The following CNTN5 variants were observed in gnomAD, a reference collection of about 807,000 sequenced individuals.
CNTN5 encodes contactin 5, also known as contactin-5.
A neutral mutation model predicts 129.1 loss-of-function variants in CNTN5; 77 were observed. That is an observed-to-expected ratio of 0.60 (90% CI 0.50 to 0.72). The LOEUF is 0.72. Ranked by LOEUF, CNTN5 falls within the 30% of genes least tolerant of loss-of-function variation. CNTN5 has a pLI of 0.00. For missense variants in CNTN5, 1,478 were observed against 1,328.8 expected, an observed-to-expected ratio of 1.11 and a Z score of -1.75; for synonymous variants, 509 against 465.6, an observed-to-expected ratio of 1.09 and a Z score of -1.20.
chr11:100,252,420 T>G (rs1438545419), intron 16 of CNTN5, among the ~76,000 whole-genome samples: 1 of 152,158 alleles, frequency 6.6e-6, no homozygotes, highest in African/African-American at 2.4e-5. Flanking sequence ...TAGTTTGGTA[T>G]AATCCTATTT....
intron 9 of CNTN5, among the ~76,000 whole-genome samples, chr11:100,045,667 G>A (rs7116377): frequency 0.54 from 80,690 of 150,650 alleles, 22,150 homozygotes; most frequent in East Asian, 0.75. Context: ...ACCAGTGGTC[G>A]GTGGGAAAAC....
chr11:99,514,495 T>C (rs1317383337), intron 2 of CNTN5, among the ~76,000 whole-genome samples: 1 of 151,874 alleles, frequency 6.6e-6, no homozygotes, highest in Non-Finnish European at 1.5e-5. Flanking sequence ...AATGGAAAAC[T>C]TCTTTGCTTA....
At chr11:99,945,634 T>G (rs557696349) in intron 7 of CNTN5, among the ~76,000 whole-genome samples, 1 of 152,042 alleles carries the variant, frequency 6.6e-6, no homozygotes, top group Non-Finnish European at 1.5e-5. Flanking sequence ...CTCAGTGTTA[T>G]TATCATTTCA....
At chr11:99,993,874 T>C (rs77618429) in intron 8 of CNTN5, among the ~76,000 whole-genome samples, 1,741 of 152,296 alleles carry the variant, frequency 0.011, 41 homozygotes, top group African/African-American at 0.04. Context: ...TATGTCCTTA[T>C]ATCATCACTC....
chr11:100,086,140 G>C (rs1039387898), intron 13 of CNTN5, among the ~76,000 whole-genome samples: 3 of 151,802 alleles, frequency 2.0e-5, no homozygotes, highest in Admixed American at 6.6e-5. Flanking sequence ...GCTTAACTTA[G>C]TAGCCAAGAG....
chr11:99,969,514 T>G (rs1204398518), intron 8 of CNTN5, among the ~76,000 whole-genome samples: 1 of 152,124 alleles, frequency 6.6e-6, no homozygotes, highest in Non-Finnish European at 1.5e-5. Context: ...CTGCTATGCC[T>G]CTTCTTCCAT....
chr11:99,303,583 G>C (rs1341084261), intron 1 of CNTN5, among the ~76,000 whole-genome samples: 1 of 151,038 alleles, frequency 6.6e-6, no homozygotes, highest in Non-Finnish European at 1.5e-5. Context: ...TAATATCTCT[G>C]TAGTTCAATT....
At chr11:99,542,624 A>G (rs1948155715) in intron 2 of CNTN5, among the ~76,000 whole-genome samples, 1 of 152,222 alleles carries the variant, frequency 6.6e-6, no homozygotes, top group South Asian at 2.1e-4. Flanking sequence ...ACCAGTGACA[A>G]CAACAAAAAA....
At chr11:99,991,167 C>G (rs573191246) in intron 8 of CNTN5, among the ~76,000 whole-genome samples, 5 of 152,188 alleles carry the variant, frequency 3.3e-5, no homozygotes, top group Non-Finnish European at 7.3e-5. Context: ...ACGTAACAGT[C>G]AAAACTCTTC....
intron 1 of CNTN5, among the ~76,000 whole-genome samples, chr11:99,045,677 C>T (rs1458702125): frequency 6.6e-6 from 1 of 152,192 alleles, no homozygotes; most frequent in Admixed American, 6.5e-5. Flanking sequence ...ATCATTACTC[C>T]TAATCTTAAT....
chr11:99,671,671 A>G (rs2135947828), intron 3 of CNTN5, among the ~76,000 whole-genome samples: 1 of 152,340 alleles, frequency 6.6e-6, no homozygotes, highest in South Asian at 2.1e-4. Context: ...TGCTGAAAAT[A>G]TGTATTACTT....
intron 1 of CNTN5, among the ~76,000 whole-genome samples, chr11:99,255,494 A>T (rs984424066): frequency 8.0e-5 from 12 of 150,132 alleles, no homozygotes; most frequent in Non-Finnish European, 1.6e-4. Flanking sequence ...TATAATTAAT[A>T]AATTAATTAA....
chr11:99,335,260 T>A (rs1440610904), intron 2 of CNTN5, among the ~76,000 whole-genome samples: 1 of 152,050 alleles, frequency 6.6e-6, no homozygotes, highest in Non-Finnish European at 1.5e-5. Flanking sequence ...ACCTCTGCAA[T>A]CTTGTTCTAA....
At chr11:100,118,517 C>A (rs992753081) in intron 13 of CNTN5, among the ~76,000 whole-genome samples, 3 of 151,898 alleles carry the variant, frequency 2.0e-5, no homozygotes, top group Non-Finnish European at 4.4e-5. Flanking sequence ...TATTCAATAA[C>A]AAGTAATTGA....
At chr11:99,436,530 A>T (rs896880172) in intron 2 of CNTN5, among the ~76,000 whole-genome samples, 1 of 152,130 alleles carries the variant, frequency 6.6e-6, no homozygotes, top group Non-Finnish European at 1.5e-5. Flanking sequence ...TCTTGTATCT[A>T]TTCTTTCAAA....
At chr11:99,219,563 T>A (rs12291661) in intron 1 of CNTN5, among the ~76,000 whole-genome samples, 1 of 151,684 alleles carries the variant, frequency 6.6e-6, no homozygotes, top group Non-Finnish European at 1.5e-5. Context: ...GTTTATAGAA[T>A]GATATCAGAG....
At chr11:99,249,591 C>G (rs1861993900) in intron 1 of CNTN5, among the ~76,000 whole-genome samples, 1 of 151,950 alleles carries the variant, frequency 6.6e-6, no homozygotes, top group African/African-American at 2.4e-5. Context: ...ATATACCGGA[C>G]ATATTCTAGG....
At chr11:99,389,238 G>C (rs1941105899) in intron 2 of CNTN5, among the ~76,000 whole-genome samples, 1 of 151,852 alleles carries the variant, frequency 6.6e-6, no homozygotes, top group African/African-American at 2.4e-5. Flanking sequence ...ATGTTGACTA[G>C]GCTGGTCACA....
At chr11:99,612,455 T>C (rs1050366278) in intron 3 of CNTN5, among the ~76,000 whole-genome samples, 1 of 152,174 alleles carries the variant, frequency 6.6e-6, no homozygotes, top group African/African-American at 2.4e-5. Context: ...GCTTAAAAAT[T>C]ACACCACCTG....
Sources: gnomAD v4.1 joint callset for allele counts (sites outside exome capture counted in the v4.1 genomes callset) on GRCh38, gnomAD v4.1.1 for gene constraint, MANE v1.5 for transcripts, NCBI Gene and HGNC (gene_info 2026-07-23, HGNC 2026-07-21) for gene names.